The following DNM1L variants were observed in gnomAD, a reference collection of about 807,000 sequenced individuals.
DNM1L encodes the protein dynamin-1-like protein.
A neutral mutation model predicts 92.8 loss-of-function variants in DNM1L; 33 were observed. The observed-to-expected ratio is 0.36, with a 90% CI of 0.27 to 0.48. The LOEUF is 0.48. Among genes scored for constraint, DNM1L ranks in the 20% least tolerant of loss-of-function variants. DNM1L has a pLI of 0.99. For synonymous variants in DNM1L, 284 were observed against 305.0 expected (o/e 0.93, Z 0.72); for missense variants, 485 against 888.8 (o/e 0.55, Z 5.78).
At chr12:32,738,066 T>C (rs1418464126) in intron 15 of DNM1L, 124 bp downstream of exon 15, 1 of 1,113,084 alleles carries the variant, frequency 9.0e-7, no homozygotes, top group Non-Finnish European at 1.3e-6. Context: ...CAGATCACTT[T>C]AGTCTAATAT....
Position 32,741,261 on chromosome 12 carries a change from T to C in DNM1L, c.1994+743T>C, listed in dbSNP as rs186962624. Among the ~76,000 whole-genome samples the C allele has an allele frequency of 4.8e-3, 737 of 152,336 alleles. 6 individuals are homozygous for C. The highest frequency in any genetic ancestry group is 6.2e-3 in the Non-Finnish European group (422 of 68,030). On this transcript the variant is annotated intron_variant, in intron 18 of 19. Transcript: ENST00000549701. ...TGTGGGCCTGAAGAAAAAAATTCCA[T>C]TTGTTTCCTTCCTTGCCCCCATCCT...
rs1955553100 is a variant in DNM1L, at chr12:32,744,940, A to AGAT, written c.*1531_*1533dup. On this transcript the variant is annotated 3_prime_UTR_variant, in exon 20 of 20. Transcript: ENST00000549701. ...CTAATAGACAACACATTTATATTGC[A>AGAT]GATATTACTTTTTTTTCAGTTTATG... 1.9e-6 allele frequency: 1 copy of AGAT among 518,520 alleles called. No homozygotes were observed. Among genetic ancestry groups the AGAT allele is most frequent in the African/African-American group, 1.9e-5 (1 of 51,950 alleles). The allele number at this position is 518,520 out of a possible 1,614,324, so 32.1% of individuals were successfully genotyped here.
chr12:32,733,373 C>CAG, intron 12 of DNM1L: 1 of 244,174 alleles, frequency 4.1e-6, no homozygotes, highest in South Asian at 5.6e-5. Flanking sequence ...AGTGGATGAT[C>CAG]TGAAGTTTTA....
At chr12:32,698,872 AGTGGTGTGGTG>A (rs1952578486) in intron 1 of DNM1L, among the ~76,000 whole-genome samples, 1 of 151,898 alleles carries the variant, frequency 6.6e-6, no homozygotes, top group African/African-American at 2.4e-5. Context: ...CCTGAATGTA[AGTGGTGTGGTG>A]GCTGGCTCCT....
intron 18 of DNM1L, among the ~76,000 whole-genome samples, chr12:32,742,014 T>G (rs139526782): frequency 2.9e-4 from 44 of 152,296 alleles, no homozygotes; most frequent in Admixed American, 2.7e-3. Context: ...ATGTTTGGAT[T>G]TTTCTCACTT....
chr12:32,716,922 G>A (rs1157450979), intron 6 of DNM1L, among the ~76,000 whole-genome samples: 1 of 146,450 alleles, frequency 6.8e-6, no homozygotes, highest in African/African-American at 2.5e-5. Flanking sequence ...ACCTAGGAAT[G>A]GGACTGCTAA....
At chr12:32,704,524 TG>T (rs370138122) in intron 2 of DNM1L, among the ~76,000 whole-genome samples, 1,539 of 148,036 alleles carry the variant, frequency 0.01, 34 homozygotes, top group African/African-American at 0.035. Flanking sequence ...CACTCCAGCC[TG>T]GGCAACAGAG....
intron 4 of DNM1L, among the ~76,000 whole-genome samples, chr12:32,710,583 C>T (rs1953086625): frequency 1.3e-5 from 2 of 148,584 alleles, no homozygotes; most frequent in South Asian, 2.1e-4. Context: ...TGCACCACTG[C>T]ACTCCAGCCT....
chr12:32,730,168 A>G (rs1478717098), intron 9 of DNM1L, among the ~76,000 whole-genome samples: 1 of 151,548 alleles, frequency 6.6e-6, no homozygotes, highest in Non-Finnish European at 1.5e-5. Flanking sequence ...GATCAAGACC[A>G]TCCTGGCCAA....
chr12:32,733,286 T>TG (rs1954679911), intron 12 of DNM1L, among the ~76,000 whole-genome samples: 1 of 151,782 alleles, frequency 6.6e-6, no homozygotes, highest in Non-Finnish European at 1.5e-5. Context: ...CCCAAATAAG[T>TG]TAACATCTTT....
intron 1 of DNM1L, 98 bp downstream of exon 1, chr12:32,679,563 C>A: frequency 6.8e-7 from 1 of 1,460,338 alleles, no homozygotes; most frequent in Non-Finnish European, 9.3e-7. Context: ...CCCACTCCCG[C>A]GCCAGCCTTT....
At chr12:32,702,211 G>T (rs1316409756) in intron 2 of DNM1L, among the ~76,000 whole-genome samples, 2 of 139,334 alleles carry the variant, frequency 1.4e-5, no homozygotes, top group Non-Finnish European at 3.0e-5. Flanking sequence ...TCCAGCCTAG[G>T]CGACAGAGTG....
At chr12:32,716,742 G>GTATATATATATATA (rs71447619) in intron 6 of DNM1L, among the ~76,000 whole-genome samples, 14 of 139,188 alleles carry the variant, frequency 1.0e-4, no homozygotes, top group African/African-American at 2.9e-4. Context: ...ACTATATATA[G>GTATATATATATATA]TATATATATA....
intron 1 of DNM1L, among the ~76,000 whole-genome samples, chr12:32,686,045 C>CTTTTTTTTTTTT (rs972264615): frequency 8.5e-5 from 7 of 82,692 alleles, no homozygotes; most frequent in African/African-American, 4.2e-4. Context: ...TAAAATTAGC[C>CTTTTTTTTTTTT]TTTTTTTTTT....
Position 32,731,746 on chromosome 12 carries a change from G to T in DNM1L, c.1357-108G>T. On this transcript the variant is annotated intron_variant, in intron 11 of 19. Coordinates refer to ENST00000549701, the MANE Select transcript of DNM1L (RefSeq NM_012062.5). This position sits in a 1 kb window ranked among gnomAD's most constrained non-coding sequence, Gnocchi z 5.1. ...TAGCCTGGCATGGTGGCTTCTACAT[G>T]TAGTCTCAGCTACTTGGGAGGCTAA... 9.7e-7 allele frequency: 1 copy of T among 1,027,538 alleles called. No homozygotes were observed. Among genetic ancestry groups the T allele is most frequent in the Non-Finnish European group, 1.5e-6 (1 of 671,258 alleles). The allele number at this position is 1,027,538 out of a possible 1,614,324, so 63.7% of individuals were successfully genotyped here.
chr12:32,679,747 G>A (rs1951732987), intron 1 of DNM1L: 3 of 1,115,964 alleles, frequency 2.7e-6, no homozygotes, highest in Non-Finnish European at 3.3e-6. Context: ...GAGAGGGAAG[G>A]ATGGGGCCGG....
chr12:32,714,952 A>G (rs1232431666), intron 6 of DNM1L, among the ~76,000 whole-genome samples: 4 of 152,154 alleles, frequency 2.6e-5, no homozygotes, highest in Non-Finnish European at 5.9e-5. Flanking sequence ...GTGAGCCGAG[A>G]TCATGCCATT....
At chr12:32,696,225 T>A (rs1017436556) in intron 1 of DNM1L, among the ~76,000 whole-genome samples, 1 of 152,072 alleles carries the variant, frequency 6.6e-6, no homozygotes, top group African/African-American at 2.4e-5. Flanking sequence ...TCACAAAGTC[T>A]CTTACCTTTA....
At position 32,731,803 on chromosome 12, in the gene DNM1L, T is replaced by TAA; in HGVS notation, c.1357-42_1357-41dup. ...AGGATGGCTTAGTGAGACTATGACT[T>TAA]AAAAAAAAAACAAAAAACAAACACG... is the stretch of plus-strand genomic sequence containing the variant. On this transcript the variant is annotated intron_variant, in intron 11 of 19. Coordinates refer to ENST00000549701, the MANE Select transcript of DNM1L (RefSeq NM_012062.5). This position sits in a 1 kb window ranked among gnomAD's most constrained non-coding sequence, Gnocchi z 5.1. The TAA allele has an allele frequency of 2.0e-5, 24 of 1,173,420 alleles. No homozygotes were observed. The highest frequency in any genetic ancestry group is 5.2e-5 in the African/African-American group (3 of 57,858). 72.7% of individuals were successfully genotyped at this position (1,173,420 alleles called of 1,614,324 possible). A position where few individuals can be genotyped will look rare whatever the true frequency, so the allele number is the denominator to read the frequency against.
Sources: gnomAD v4.1 joint callset for allele counts (sites outside exome capture counted in the v4.1 genomes callset) on GRCh38, gnomAD v4.1.1 for gene constraint, Gnocchi (gnomAD v3.1) non-coding constraint, MANE v1.5 for transcripts, NCBI Gene and HGNC (gene_info 2026-07-23, HGNC 2026-07-21) for gene names.